CAPN3: variants seen among roughly 807,000 people sequenced by gnomAD.
CAPN3 encodes the protein calpain 3.
A neutral mutation model predicts 114.0 loss-of-function variants in CAPN3; 88 were observed. The ratio of observed to expected loss-of-function variants is 0.77; its 90% CI spans 0.65 to 0.92. The LOEUF (loss-of-function observed/expected upper bound fraction) is 0.92. Among genes scored for constraint, CAPN3 ranks in the 40% least tolerant of loss-of-function variants. The pLI is 0.00. For missense variants in CAPN3, 1,028 were observed against 1,069.0 expected, an observed-to-expected ratio of 0.96 and a Z score of 0.53; for synonymous variants, 386 against 382.9, an observed-to-expected ratio of 1.01 and a Z score of -0.09.
chr15:42,386,091 G>C, intron 2 of CAPN3, 76 bp from the exon 3 acceptor site: 1 of 1,011,670 alleles, frequency 9.9e-7, no homozygotes, highest in South Asian at 1.3e-5. Context: ...AAGTGGAGTG[G>C]CTGGCTGGGA....
At chr15:42,368,893 A>C (rs1197914672) in intron 1 of CAPN3, among the ~76,000 whole-genome samples, 1 of 152,246 alleles carries the variant, frequency 6.6e-6, no homozygotes, top group Non-Finnish European at 1.5e-5. Flanking sequence ...CTCTACCAAA[A>C]ATACAAAGAT....
chr15:42,368,243 C>CG (rs1357002425), intron 1 of CAPN3, among the ~76,000 whole-genome samples: 3 of 152,224 alleles, frequency 2.0e-5, no homozygotes, highest in Admixed American at 6.5e-5. Flanking sequence ...AACAAGGCAA[C>CG]ACTCAGCCTT....
At chr15:42,404,467 G>T in intron 14 of CAPN3, 2 of 456,560 alleles carry the variant, frequency 4.4e-6, no homozygotes, top group South Asian at 3.1e-5. Context: ...GAGGCTCAAT[G>T]GGGTTGAATG....
chr15:42,395,011 G>A (rs1374187075), intron 8 of CAPN3, among the ~76,000 whole-genome samples: 1 of 152,180 alleles, frequency 6.6e-6, no homozygotes, highest in African/African-American at 2.4e-5. Context: ...TCGAGAGGGG[G>A]ATGGCAGGAC....
At chr15:42,404,921 G>A in intron 14 of CAPN3, 9 of 1,002,966 alleles carry the variant, frequency 9.0e-6, no homozygotes, top group Non-Finnish European at 1.1e-5. Context: ...ATCAGGACCT[G>A]CAAACCCAAA....
intron 9 of CAPN3, among the ~76,000 whole-genome samples, chr15:42,397,596 A>T: frequency 6.6e-6 from 1 of 151,124 alleles, no homozygotes; most frequent in East Asian, 1.9e-4. Flanking sequence ...GTGAGCCCAG[A>T]TTGCGCCACT....
At chr15:42,406,287 C>T (rs2141211393) in intron 15 of CAPN3, among the ~76,000 whole-genome samples, 1 of 152,152 alleles carries the variant, frequency 6.6e-6, no homozygotes, top group South Asian at 2.1e-4. Flanking sequence ...AGGGGCAGAG[C>T]CAGTACTTAG....
intron 4 of CAPN3, 122 bp downstream of exon 4, chr15:42,388,008 C>A: frequency 2.5e-6 from 3 of 1,182,610 alleles, no homozygotes; most frequent in Non-Finnish European, 2.5e-6. Flanking sequence ...TGTGGGCATG[C>A]AAGTCCAACT....
At chr15:42,402,617 AAAGG>A (rs1330125676) in intron 12 of CAPN3, 173 bp from the exon 13 acceptor site, 1 of 1,521,242 alleles carries the variant, frequency 6.6e-7, no homozygotes, top group Non-Finnish European at 8.8e-7. Flanking sequence ...TCACAACAGA[AAAGG>A]AAGAGGAAGT....
chr15:42,409,449 C>G, intron 17 of CAPN3, 69 bp downstream of exon 17: 1 of 1,383,266 alleles, frequency 7.2e-7, no homozygotes, highest in Non-Finnish European at 1.0e-6. Flanking sequence ...CTCAGATTAC[C>G]AATTATTTCA....
chr15:42,402,653 C>T (rs2053905083), intron 12 of CAPN3, 141 bp from the exon 13 acceptor site: 6 of 1,543,650 alleles, frequency 3.9e-6, no homozygotes, highest in South Asian at 2.4e-5. Context: ...GCTATTTAAG[C>T]CTTGGGAGTC....
chr15:42,411,383 A>C (rs1237940148), intron 23 of CAPN3, 38 bp downstream of exon 23: 1 of 1,595,324 alleles, frequency 6.3e-7, no homozygotes, highest in Admixed American at 1.7e-5. Flanking sequence ...CTACACATTA[A>C]AACTCAAGGT....
Position 42,399,648 on chromosome 15 carries a change from C to T in CAPN3, c.1350C>T (p.Phe450=), listed in dbSNP as rs144944366. The T allele has an allele frequency of 2.9e-4, 460 of 1,599,854 alleles. 3 individuals are homozygous for T. The African/African-American group carries it at 5.5e-3, about 19-fold the overall frequency. Residue 450 remains phenylalanine (F), a synonymous_variant, in exon 10 of 24, where the codon TTC becomes TTT. Transcript: ENST00000397163. ...GCTCTGCCGGAGGCTGCCGCAACTT[C>T]CCAGGTGGGAGATGCTCTTGATGGG... ...RGCSAGGCRN[F]PDTFWTNPQY... is the part of the protein sequence containing the mutation.
At chr15:42,370,683 G>A (rs190810579) in intron 1 of CAPN3, among the ~76,000 whole-genome samples, 1 of 152,254 alleles carries the variant, frequency 6.6e-6, no homozygotes, top group Admixed American at 6.5e-5. Flanking sequence ...CACTGACTCG[G>A]CCACTAGCAA....
chr15:42,411,494 G>A, intron 23 of CAPN3, 149 bp downstream of exon 23: 1 of 846,170 alleles, frequency 1.2e-6, no homozygotes. Context: ...AGGCTCAGCA[G>A]GCTCCCAGGA....
chr15:42,411,704 C>T, intron 23 of CAPN3, 43 bp from the exon 24 acceptor site: 1 of 688,244 alleles, frequency 1.5e-6, no homozygotes. Flanking sequence ...GGGGGGGGGT[C>T]ACTCTTTTCT....
Position 42,386,305 on chromosome 15 carries a change from G to A in CAPN3, c.498+20G>A, listed in dbSNP as rs376337969. 12 of 1,546,086 alleles carry A rather than the reference G, an allele frequency of 7.8e-6. No individual in the cohort carries two copies. Among genetic ancestry groups the A allele is most frequent in the Non-Finnish European group, 1.1e-5 (12 of 1,117,828 alleles). ...TTCCAGGTGAGGTAATGAGAGTGTAGTTAAGAGGGCCAGCGGCAGGCCACC... is the reference window on the plus strand; with the variant it reads ...TTCCAGGTGAGGTAATGAGAGTGTAATTAAGAGGGCCAGCGGCAGGCCACC... On this transcript the variant is annotated intron_variant, in intron 3 of 23. Transcript: ENST00000397163.
At chr15:42,362,151 T>G (rs1265730615) in intron 1 of CAPN3, among the ~76,000 whole-genome samples, 1 of 152,166 alleles carries the variant, frequency 6.6e-6, no homozygotes, top group East Asian at 1.9e-4. Flanking sequence ...TGGAGGCTCA[T>G]GCCTGTAATC....
intron 22 of CAPN3, 62 bp downstream of exon 22, chr15:42,411,062 C>G: frequency 7.6e-7 from 1 of 1,308,756 alleles, no homozygotes; most frequent in Non-Finnish European, 1.1e-6. Flanking sequence ...CAACAGGCAT[C>G]TCACCTGATA....
Sources: gnomAD v4.1 joint callset for allele counts (sites outside exome capture counted in the v4.1 genomes callset) on GRCh38, gnomAD v4.1.1 for gene constraint, MANE v1.5 for transcripts, NCBI Gene and HGNC (gene_info 2026-07-23, HGNC 2026-07-21) for gene names.